Variants in PTPRD observed in about 807,000 individuals in gnomAD.
The protein encoded by PTPRD is protein tyrosine phosphatase receptor type D, also known as receptor-type tyrosine-protein phosphatase delta.
A neutral mutation model predicts 214.5 loss-of-function variants in PTPRD; 34 were observed. The ratio of observed to expected loss-of-function variants is 0.16; its 90% CI spans 0.12 to 0.21. The LOEUF is 0.21. Among genes scored for constraint, PTPRD ranks in the 10% least tolerant of loss-of-function variants. The pLI is 1.00. For missense variants in PTPRD, 2,545 were observed against 2,398.7 expected (o/e 1.06, Z -1.27); for synonymous variants, 1,128 against 845.7 (o/e 1.33, Z -5.79).
intron 35 of PTPRD, among the ~76,000 whole-genome samples, chr9:8,433,680 A>T (rs765540039): frequency 5.0e-4 from 76 of 152,330 alleles, no homozygotes; most frequent in Non-Finnish European, 8.8e-4. Flanking sequence ...ATAAAGAAAA[A>T]ATGTTTTTGT....
At chr9:8,957,190 T>C (rs2099135789) in intron 11 of PTPRD, among the ~76,000 whole-genome samples, 2 of 151,862 alleles carry the variant, frequency 1.3e-5, no homozygotes, top group Non-Finnish European at 2.9e-5. Context: ...TTTCCTTTCA[T>C]ATAACTTTCA....
intron 2 of PTPRD, among the ~76,000 whole-genome samples, chr9:10,380,665 G>A (rs377153448): frequency 3.0e-4 from 46 of 151,980 alleles, no homozygotes; most frequent in African/African-American, 1.1e-3. Context: ...GTATTCTGAA[G>A]TCCACGGAAC....
chr9:9,908,243 A>T (rs566710544), intron 5 of PTPRD, among the ~76,000 whole-genome samples: 1 of 152,130 alleles, frequency 6.6e-6, no homozygotes, highest in South Asian at 2.1e-4. Context: ...ATTCCTGCTC[A>T]ATGTGCCTAT....
At chr9:8,799,821 A>T (rs1434856721) in intron 11 of PTPRD, among the ~76,000 whole-genome samples, 1 of 151,984 alleles carries the variant, frequency 6.6e-6, no homozygotes, top group Non-Finnish European at 1.5e-5. Flanking sequence ...TTACACTTCT[A>T]ATGTTTTGAT....
intron 36 of PTPRD, among the ~76,000 whole-genome samples, chr9:8,393,237 C>T (rs1007188474): frequency 6.6e-6 from 1 of 152,098 alleles, no homozygotes; most frequent in Non-Finnish European, 1.5e-5. Context: ...AATCAGAGTG[C>T]ACTTCTAATC....
intron 7 of PTPRD, among the ~76,000 whole-genome samples, chr9:9,709,674 C>A (rs892356942): frequency 6.6e-6 from 1 of 151,972 alleles, no homozygotes; most frequent in Non-Finnish European, 1.5e-5. Flanking sequence ...TGGAGCAGAT[C>A]ATTTCTGTTT....
chr9:10,228,941 C>G (rs376008587), intron 3 of PTPRD, among the ~76,000 whole-genome samples: 2 of 151,622 alleles, frequency 1.3e-5, no homozygotes, highest in African/African-American at 2.4e-5. Flanking sequence ...AGTGTAAAAA[C>G]ACTAAATAAG....
At chr9:10,218,473 G>C (rs959866060) in intron 3 of PTPRD, among the ~76,000 whole-genome samples, 66 of 151,982 alleles carry the variant, frequency 4.3e-4, no homozygotes, top group African/African-American at 1.4e-3. Flanking sequence ...TTAGCCTTTA[G>C]TATTTTAATT....
intron 3 of PTPRD, among the ~76,000 whole-genome samples, chr9:10,170,670 G>C (rs192753898): frequency 3.3e-5 from 5 of 152,310 alleles, no homozygotes; most frequent in Admixed American, 1.3e-4. Flanking sequence ...CTGGGCGACA[G>C]AGCAAGACTC....
intron 11 of PTPRD, among the ~76,000 whole-genome samples, chr9:8,906,812 G>C (rs2098711060): frequency 6.6e-6 from 1 of 151,966 alleles, no homozygotes. Flanking sequence ...ACGTTTAACA[G>C]GGAGATCCGA....
intron 9 of PTPRD, among the ~76,000 whole-genome samples, chr9:9,361,725 T>C (rs2056234980): frequency 6.6e-6 from 1 of 151,130 alleles, no homozygotes; most frequent in Non-Finnish European, 1.5e-5. Flanking sequence ...AGTGTGGTCT[T>C]GATCTTTCAG....
At chr9:8,413,262 TC>T (rs1187357719) in intron 35 of PTPRD, among the ~76,000 whole-genome samples, 2 of 152,218 alleles carry the variant, frequency 1.3e-5, no homozygotes, top group Non-Finnish European at 2.9e-5. Context: ...TGTTTCTTTT[TC>T]CATATTTAGT....
In PTPRD at chr9:9,343,922, TG is replaced by T. The variant is rs765444440; in HGVS notation, c.-203+53526del. ...AAGAAACAGGTTATCTAAATTTTCC[TG>T]GGGAAGCACTCCAACTTTCTTTTGG... On this transcript the variant is annotated intron_variant, in intron 9 of 45. Transcript: ENST00000381196. 9.9e-5 allele frequency among the ~76,000 whole-genome samples: 15 copies of T among 152,258 alleles called. No individual in the cohort carries two copies. In the South Asian group the frequency reaches 2.3e-3, roughly 23 times the overall value.
At chr9:9,534,106 G>A (rs1443895004) in intron 8 of PTPRD, among the ~76,000 whole-genome samples, 1 of 151,990 alleles carries the variant, frequency 6.6e-6, no homozygotes, top group Non-Finnish European at 1.5e-5. Context: ...GCAAAAGAGA[G>A]TGCTCTTATA....
At chr9:8,702,795 G>C (rs775761353) in intron 12 of PTPRD, among the ~76,000 whole-genome samples, 1 of 152,306 alleles carries the variant, frequency 6.6e-6, no homozygotes, top group African/African-American at 2.4e-5. Context: ...TTTTAGTAAA[G>C]ACGGGGTTTC....
chr9:9,286,682 T>C (rs1350443119), intron 9 of PTPRD, among the ~76,000 whole-genome samples: 1 of 151,116 alleles, frequency 6.6e-6, no homozygotes, highest in African/African-American at 2.4e-5. Context: ...CATTGGCTCC[T>C]TGTCTTTCAT....
chr9:9,666,978 A>G (rs2096735449), intron 7 of PTPRD, among the ~76,000 whole-genome samples: 1 of 152,120 alleles, frequency 6.6e-6, no homozygotes, highest in Admixed American at 6.6e-5. Context: ...TATTAAAAAT[A>G]GACTAAAGTC....
intron 8 of PTPRD, among the ~76,000 whole-genome samples, chr9:9,521,838 G>A (rs2096980677): frequency 6.6e-6 from 1 of 152,006 alleles, no homozygotes; most frequent in South Asian, 2.1e-4. Context: ...TGTTCTTTGG[G>A]GGCTTATAAA....
At position 9,740,201 on chromosome 9, in the gene PTPRD, T is replaced by A. The variant is rs183909392; in HGVS notation, c.-325-5630A>T. Among the ~76,000 whole-genome samples the A allele has an allele frequency of 4.5e-3, 680 of 152,284 alleles. 6 individuals are homozygous for A. The highest frequency in any genetic ancestry group is 0.017 in the Middle Eastern group (5 of 294). On this transcript the variant is annotated intron_variant, in intron 6 of 45. Transcript: ENST00000381196. Reference sequence around the variant, plus strand: ...ATATTAGAAGATGCATGTTGTCATATCCCACCATGATTTGGGATTCATCTT... The same window carrying A: ...ATATTAGAAGATGCATGTTGTCATAACCCACCATGATTTGGGATTCATCTT...
Sources: gnomAD v4.1 joint callset for allele counts (sites outside exome capture counted in the v4.1 genomes callset) on GRCh38, gnomAD v4.1.1 for gene constraint, MANE v1.5 for transcripts, NCBI Gene and HGNC (gene_info 2026-07-23, HGNC 2026-07-21) for gene names.